The following PRKAG2 variants were observed in gnomAD, a reference collection of about 807,000 sequenced individuals.
PRKAG2 encodes protein kinase AMP-activated non-catalytic subunit gamma 2, also known as 5'-AMP-activated protein kinase subunit gamma-2.
Under a neutral mutation model 69.6 loss-of-function variants are expected in PRKAG2, and 26 were observed. The observed-to-expected ratio is 0.37, with a 90% confidence interval of 0.27 to 0.52. The LOEUF (loss-of-function observed/expected upper bound fraction) is 0.52, where lower values mean the gene tolerates loss of function less well. PRKAG2 is among the 20% of genes least tolerant of loss of function. The pLI is 0.90. For missense variants in PRKAG2, 557 were observed against 740.0 expected (o/e 0.75, Z 2.87); for synonymous variants, 293 against 285.0 (o/e 1.03, Z -0.28).
Position 151,585,789 on chromosome 7 carries a change from G to A in PRKAG2, c.865-9337C>T, listed in dbSNP as rs141886496. Reference sequence around the variant, plus strand: ...ACAAGAATGCTCTGGCGTACCCCCAGTTTCTCAGCTGGGGCTCCCCAGAAG... The same window carrying A: ...ACAAGAATGCTCTGGCGTACCCCCAATTTCTCAGCTGGGGCTCCCCAGAAG... On this transcript the variant is annotated intron_variant, in intron 6 of 15. Transcript: ENST00000287878. 4.2e-3 allele frequency among the ~76,000 whole-genome samples: 642 copies of A among 152,304 alleles called. 4 individuals carry two copies. Among genetic ancestry groups the A allele is most frequent in the African/African-American group, 0.014 (590 of 41,560 alleles).
intron 4 of PRKAG2, among the ~76,000 whole-genome samples, chr7:151,634,159 G>GAT (rs1825341539): frequency 1.3e-5 from 2 of 152,146 alleles, no homozygotes; most frequent in African/African-American, 4.8e-5. Context: ...CAGAAGAATG[G>GAT]ATATAATAAT....
intron 4 of PRKAG2, among the ~76,000 whole-genome samples, chr7:151,634,321 A>T (rs1023437893): frequency 2.6e-5 from 4 of 152,248 alleles, no homozygotes; most frequent in African/African-American, 7.2e-5. Context: ...TGCGTTTTAC[A>T]CAAAAATTAG....
chr7:151,646,992 C>A (rs1827674203), intron 4 of PRKAG2, among the ~76,000 whole-genome samples: 1 of 152,202 alleles, frequency 6.6e-6, no homozygotes, highest in South Asian at 2.1e-4. Flanking sequence ...TATATGCTTT[C>A]ATGATAGTGA....
In PRKAG2 at chr7:151,632,537, G is replaced by A. The variant is rs1430673323; in HGVS notation, c.685-399C>T. On this transcript the variant is annotated intron_variant, in intron 4 of 15. Coordinates refer to ENST00000287878, the MANE Select transcript of PRKAG2 (RefSeq NM_016203.4). The surrounding 1 kb of genome is among the most constrained non-coding windows in gnomAD (Gnocchi z 4.2). ...GTGCCGCCATTGGGAGAGGCCCGCG[G>A]CCCGCCCCCACTCCGCCCCCCGGCG... 8 of 979,160 alleles carry A rather than the reference G, an allele frequency of 8.2e-6. No homozygotes were observed. In the Admixed American group the frequency reaches 3.7e-4, roughly 45 times the overall value. The allele number at this position is 979,160 out of a possible 1,614,324, so 60.7% of individuals were successfully genotyped here.
intron 1 of PRKAG2, chr7:151,806,921 G>T (rs930925571): frequency 2.2e-6 from 1 of 445,344 alleles, no homozygotes; most frequent in African/African-American, 2.0e-5. Flanking sequence ...AGCCAAGATC[G>T]CACCATTGCA....
chr7:151,625,272 A>G (rs1366150359), intron 5 of PRKAG2, among the ~76,000 whole-genome samples: 1 of 152,178 alleles, frequency 6.6e-6, no homozygotes, highest in African/African-American at 2.4e-5. Flanking sequence ...AGAGGAAGGA[A>G]TGATTCAAGG....
In PRKAG2 at chr7:151,560,517, A is replaced by G. The variant is rs199720893; in HGVS notation, c.1678+7T>C. On this transcript the variant is annotated splice_region_variant and intron_variant, in intron 15 of 15. Coordinates refer to ENST00000287878, the MANE Select transcript of PRKAG2 (RefSeq NM_016203.4). Reference sequence around the variant, plus strand: ...CCGATGGCAAAGGTCAGAAACCAGCATTTTACCTGCTGGTGTGAGGATCAG... The same window carrying G: ...CCGATGGCAAAGGTCAGAAACCAGCGTTTTACCTGCTGGTGTGAGGATCAG... The G allele has an allele frequency of 8.1e-6, 13 of 1,614,018 alleles. No homozygotes were observed. Among genetic ancestry groups the G allele is most frequent in the Non-Finnish European group, 1.1e-5 (13 of 1,180,004 alleles).
chr7:151,761,767 A>T (rs751685086), intron 3 of PRKAG2, among the ~76,000 whole-genome samples: 28 of 152,326 alleles, frequency 1.8e-4, no homozygotes, highest in Middle Eastern at 3.4e-3. Context: ...CCCATCGGGC[A>T]ATGACATTGG....
In PRKAG2 at chr7:151,777,262, G is replaced by A. The variant is rs1481654256; in HGVS notation, c.466+3890C>T. The stretch of plus-strand genomic sequence containing the variant: ...CAGAGTCATCCCCAGGCCTGTGCCT[G>A]CGTTCCCTCACTGTGAGCACAGTGT... On this transcript the variant is annotated intron_variant, in intron 3 of 15. Coordinates refer to ENST00000287878, the MANE Select transcript of PRKAG2 (RefSeq NM_016203.4). This position sits in a 1 kb window ranked among gnomAD's most constrained non-coding sequence, Gnocchi z 4.3. Among the ~76,000 whole-genome samples the A allele has an allele frequency of 1.3e-5, 2 of 152,228 alleles. No homozygotes were observed. Among genetic ancestry groups the A allele is most frequent in the East Asian group, 1.9e-4 (1 of 5,196 alleles).
intron 4 of PRKAG2, among the ~76,000 whole-genome samples, chr7:151,636,089 G>A (rs1175746840): frequency 6.6e-6 from 1 of 151,776 alleles, no homozygotes; most frequent in Admixed American, 6.6e-5. Context: ...CTGACCTCGT[G>A]ATCCACCCGC....
intron 6 of PRKAG2, among the ~76,000 whole-genome samples, chr7:151,588,356 C>G (rs1375765195): frequency 1.3e-5 from 2 of 149,178 alleles, no homozygotes; most frequent in Admixed American, 1.4e-4. Context: ...ATAAGTCTCA[C>G]AAGATCTGAT....
At position 151,830,914 on chromosome 7, in the gene PRKAG2, G is replaced by T. The variant is rs187968184; in HGVS notation, c.115-44373C>A. On this transcript the variant is annotated intron_variant, in intron 1 of 15. Transcript: ENST00000287878. ...TGTCACTAAAAATCCTTTCTTTTAG[G>T]TGAAGGAGTTTCCCTCACTTAATTC... is the stretch of plus-strand genomic sequence containing the variant. 2.8e-3 allele frequency among the ~76,000 whole-genome samples: 430 copies of T among 152,010 alleles called. 18 individuals are homozygous for T. The highest frequency in any genetic ancestry group is 4.3e-4 in the Non-Finnish European group (29 of 67,938).
intron 1 of PRKAG2, among the ~76,000 whole-genome samples, chr7:151,848,403 C>T (rs913629731): frequency 9.9e-5 from 15 of 151,576 alleles, no homozygotes; most frequent in Admixed American, 6.6e-5. Context: ...ACCCTCGTCT[C>T]GGACTTTCCA....
intron 3 of PRKAG2, among the ~76,000 whole-genome samples, chr7:151,752,123 A>T (rs970846880): frequency 6.6e-6 from 1 of 152,216 alleles, no homozygotes; most frequent in Admixed American, 6.5e-5. Flanking sequence ...AGCATCAAAA[A>T]CTTGATAATG....
chr7:151,725,127 C>A (rs190194764), intron 3 of PRKAG2, among the ~76,000 whole-genome samples: 1 of 152,172 alleles, frequency 6.6e-6, no homozygotes, highest in African/African-American at 2.4e-5. Flanking sequence ...AAAGAGCAGG[C>A]GAGAAGCAAC....
chr7:151,784,201 G>A (rs1044183180), intron 2 of PRKAG2, among the ~76,000 whole-genome samples: 2 of 152,152 alleles, frequency 1.3e-5, no homozygotes, highest in Admixed American at 1.3e-4. Context: ...AAGAGGAGCC[G>A]AGGCCACATG....
chr7:151,805,005 T>TG (rs34553921), intron 1 of PRKAG2, among the ~76,000 whole-genome samples: 1 of 152,122 alleles, frequency 6.6e-6, no homozygotes, highest in Non-Finnish European at 1.5e-5. Context: ...AGGGGCTCCA[T>TG]GGGGTAAGTA....
At chr7:151,651,526 G>A (rs182678188) in intron 4 of PRKAG2, among the ~76,000 whole-genome samples, 46 of 152,304 alleles carry the variant, frequency 3.0e-4, no homozygotes, top group Middle Eastern at 3.4e-3. Flanking sequence ...AGAATCTCTT[G>A]AACCCGGGAG....
Position 151,850,281 on chromosome 7 carries a change from C to T in PRKAG2, c.114+26226G>A, listed in dbSNP as rs986069042. Among the ~76,000 whole-genome samples, 1 of 152,208 alleles carries T rather than the reference C, an allele frequency of 6.6e-6. No individual in the cohort carries two copies. The highest frequency in any genetic ancestry group is 1.5e-5 in the Non-Finnish European group (1 of 68,036). On this transcript the variant is annotated intron_variant, in intron 1 of 15. Coordinates refer to ENST00000287878, the MANE Select transcript of PRKAG2 (RefSeq NM_016203.4). The surrounding 1 kb of genome is among the most constrained non-coding windows in gnomAD (Gnocchi z 4.1). ...AGGTACAGTCCCCTCACCTAGAACG[C>T]TTCTTGAGTGTTTAATGGAAAGACG...
Sources: allele counts gnomAD v4.1 joint callset (sites outside exome capture counted in the v4.1 genomes callset), GRCh38; gene constraint gnomAD v4.1.1; non-coding constraint Gnocchi (gnomAD v3.1); transcripts MANE v1.5; gene names NCBI Gene and HGNC (gene_info 2026-07-23, HGNC 2026-07-21).